The following KCNJ1 variants were observed in gnomAD, a reference collection of about 807,000 sequenced individuals.
KCNJ1 encodes the protein ATP-sensitive inward rectifier potassium channel 1.
In KCNJ1, 24 loss-of-function variants were observed where a neutral mutation model predicts 21.9. That is an observed-to-expected ratio of 1.10 (90% CI 0.79 to 1.54). KCNJ1 has a LOEUF of 1.54. Ranked by LOEUF, KCNJ1 falls within the 40% of genes most tolerant of loss-of-function variation. KCNJ1 has a pLI of 0.00. For synonymous variants in KCNJ1, 152 were observed against 160.9 expected (o/e 0.94, Z 0.42); for missense variants, 457 against 455.4 (o/e 1.00, Z -0.03).
intron 1 of KCNJ1, among the ~76,000 whole-genome samples, chr11:128,855,598 G>A (rs191119440): frequency 2.1e-4 from 31 of 149,844 alleles, no homozygotes; most frequent in Non-Finnish European, 4.0e-4. Flanking sequence ...GTGTAGAGCT[G>A]GGCTTAAACG....
At chr11:128,853,983 GC>G (rs1174945415) in intron 1 of KCNJ1, among the ~76,000 whole-genome samples, 5 of 152,252 alleles carry the variant, frequency 3.3e-5, no homozygotes, top group Admixed American at 2.0e-4. Flanking sequence ...GCTCTTCCCT[GC>G]TGCTGCCCAG....
chr11:128,858,127 AG>A (rs1335302494), intron 1 of KCNJ1, among the ~76,000 whole-genome samples: 1 of 109,400 alleles, frequency 9.1e-6, no homozygotes, highest in Non-Finnish European at 1.8e-5. Context: ...CAGGATGGGG[AG>A]GGATGGTGAG....
At position 128,857,203 on chromosome 11, in the gene KCNJ1, G is replaced by A. The variant is rs146939567; in HGVS notation, c.-191-6313C>T. The stretch of plus-strand genomic sequence containing the variant: ...TTCCCATGTCTGGCTGCTCCATGTC[G>A]CTAGGGACCTAGCTCCATCACCACC... On this transcript the variant is annotated intron_variant, in intron 1 of 2. Coordinates refer to ENST00000392666, the MANE Select transcript of KCNJ1 (RefSeq NM_153766.3). Among the ~76,000 whole-genome samples the A allele has an allele frequency of 2.9e-3, 436 of 152,252 alleles. 3 individuals carry two copies. The highest frequency in any genetic ancestry group is 9.6e-3 in the African/African-American group (399 of 41,548).
rs974635542 is a variant in KCNJ1 at position 128,839,191 on chromosome 11, C to T, written c.1053G>A (p.Lys351=). The T allele has an allele frequency of 1.9e-6, 3 of 1,614,094 alleles. No homozygotes were observed. The African/African-American group carries it at 4.0e-5, about 22-fold the overall frequency. Residue 351 remains lysine (K), a synonymous_variant, in exon 3 of 3, where the codon AAG becomes AAA. Transcript: ENST00000392666. The part of the protein sequence containing the change: ...YNEKDVRARM[K]RGYDNPNFIL... ...TGAAGTTGGGGTTGTCATAGCCTCTCTTCATCCTGGCTCTAACATCTTTCT... is the reference window on the plus strand; with the variant it reads ...TGAAGTTGGGGTTGTCATAGCCTCTTTTCATCCTGGCTCTAACATCTTTCT...
intron 2 of KCNJ1, among the ~76,000 whole-genome samples, chr11:128,850,178 C>T (rs1008508767): frequency 2.0e-5 from 3 of 152,136 alleles, no homozygotes; most frequent in African/African-American, 7.2e-5. Context: ...TACTCTCCCC[C>T]ACGCCACACC....
chr11:128,865,535 G>T (rs1003561302), intron 1 of KCNJ1, among the ~76,000 whole-genome samples: 1 of 152,130 alleles, frequency 6.6e-6, no homozygotes. Flanking sequence ...AAAGACAATA[G>T]TCATCACTGG....
intron 2 of KCNJ1, among the ~76,000 whole-genome samples, chr11:128,841,766 G>A (rs1943285671): frequency 6.6e-6 from 1 of 152,166 alleles, no homozygotes; most frequent in East Asian, 1.9e-4. Context: ...AAGCGGTGAT[G>A]AGAAAACCAC....
At chr11:128,857,434 C>T (rs913155117) in intron 1 of KCNJ1, among the ~76,000 whole-genome samples, 1 of 152,200 alleles carries the variant, frequency 6.6e-6, no homozygotes, top group Admixed American at 6.6e-5. Context: ...TTGCCTTCCT[C>T]TGAATACCCA....
intron 1 of KCNJ1, among the ~76,000 whole-genome samples, chr11:128,857,120 C>T (rs917341061): frequency 1.3e-5 from 2 of 152,198 alleles, no homozygotes; most frequent in Admixed American, 6.5e-5. Flanking sequence ...CGGCGCAGCT[C>T]CTGCCCTGGG....
chr11:128,842,051 T>C (rs1053428421), intron 2 of KCNJ1, among the ~76,000 whole-genome samples: 7 of 152,232 alleles, frequency 4.6e-5, no homozygotes. Context: ...AGGGTCACAC[T>C]GTTTACCCAG....
At chr11:128,853,919 A>T (rs921313743) in intron 1 of KCNJ1, among the ~76,000 whole-genome samples, 1 of 152,208 alleles carries the variant, frequency 6.6e-6, no homozygotes, top group Admixed American at 6.5e-5. Flanking sequence ...TCACTGCTAA[A>T]CAGAACCTCT....
chr11:128,840,210 G>A lies in KCNJ1; in HGVS notation c.34C>T (p.Arg12Cys), dbSNP rs139738175. Residue 12 changes from arginine (R) to cysteine (C), a missense_variant, in exon 3 of 3, where the codon CGC (arginine) becomes TGC (cysteine). Physicochemically the swap from Arg to Cys is radical, Grantham distance 180 (BLOSUM62 -3). Transcript: ENST00000392666. ...CTTTGCCGAGAATGCCCAAAAAAGC[G>A]AGTGACGACCCATTTCCGAAGATGT... Reference protein sequence around the residue: ...FKHLRKWVVTRFFGHSRQRAR... With the variant: ...FKHLRKWVVTCFFGHSRQRAR... The A allele has an allele frequency of 4.1e-5, 66 of 1,614,108 alleles. No homozygotes were observed. The highest frequency in any genetic ancestry group is 3.0e-4 in the South Asian group (27 of 91,070).
Position 128,838,768 on chromosome 11 carries a change from C to A in KCNJ1, c.*357G>T. The A allele has an allele frequency of 4.1e-6, 1 of 241,410 alleles. No individual in the cohort carries two copies. Among genetic ancestry groups the A allele is most frequent in the Non-Finnish European group, 8.1e-6 (1 of 123,124 alleles). The allele number at this position is 241,410 out of a possible 1,614,324, so 15.0% of individuals were successfully genotyped here. A position where few individuals can be genotyped will look rare whatever the true frequency, so the allele number is the denominator to read the frequency against. On this transcript the variant is annotated 3_prime_UTR_variant, in exon 3 of 3. Transcript: ENST00000392666. ...CCCTGATCCTTTCTAAAGTTCATAA[C>A]TTCTTTAAGGAAACTTTAAAAAATA...
chr11:128,850,894 G>A lies in KCNJ1; in HGVS notation c.-191-4C>T. 1.3e-5 allele frequency: 13 copies of A among 985,120 alleles called. No individual in the cohort carries two copies. The highest frequency in any genetic ancestry group is 1.6e-5 in the Non-Finnish European group (13 of 829,660). 61.0% of individuals were successfully genotyped at this position (985,120 alleles called of 1,614,324 possible). ...GAAGGCACAGTAGAGAAGAAACCTG[G>A]TAAAATACAACACATATGGCTACTG... On this transcript the variant is annotated splice_polypyrimidine_tract_variant and splice_region_variant and intron_variant, in intron 1 of 2. Coordinates refer to ENST00000392666, the MANE Select transcript of KCNJ1 (RefSeq NM_153766.3).
chr11:128,844,864 T>A (rs1183893118), intron 2 of KCNJ1, among the ~76,000 whole-genome samples: 1 of 152,174 alleles, frequency 6.6e-6, no homozygotes, highest in Non-Finnish European at 1.5e-5. Context: ...AAAACACTTA[T>A]TGCAGTCTGC....
At chr11:128,847,751 G>C (rs150149281) in intron 2 of KCNJ1, among the ~76,000 whole-genome samples, 21 of 152,338 alleles carry the variant, frequency 1.4e-4, no homozygotes, top group African/African-American at 4.8e-4. Flanking sequence ...GGGTGTTTGT[G>C]AGGTCTTACC....
At chr11:128,853,615 C>T (rs1350022282) in intron 1 of KCNJ1, among the ~76,000 whole-genome samples, 1 of 152,144 alleles carries the variant, frequency 6.6e-6, no homozygotes, top group Non-Finnish European at 1.5e-5. Flanking sequence ...CACTGAAAAC[C>T]ACCTCTTACA....
At chr11:128,861,723 C>G (rs1565530986) in intron 1 of KCNJ1, among the ~76,000 whole-genome samples, 1 of 152,162 alleles carries the variant, frequency 6.6e-6, no homozygotes, top group Non-Finnish European at 1.5e-5. Context: ...TAAGCGGCCA[C>G]CGGAACCCCT....
rs1163275571 is a variant in KCNJ1, at chr11:128,839,123, T to A, written c.*2A>T. On this transcript the variant is annotated 3_prime_UTR_variant, in exon 3 of 3. Transcript: ENST00000392666. ...TGCTTTACTCCCGTTGAAAAGCCACTGTTACATTTTGGTGTCATCTGTTTC... is the reference window on the plus strand; with the variant it reads ...TGCTTTACTCCCGTTGAAAAGCCACAGTTACATTTTGGTGTCATCTGTTTC... 2.5e-6 allele frequency: 4 copies of A among 1,613,044 alleles called. No homozygotes were observed. The African/African-American group carries it at 5.3e-5, about 22-fold the overall frequency.
Sources: allele counts gnomAD v4.1 joint callset (sites outside exome capture counted in the v4.1 genomes callset), GRCh38; gene constraint gnomAD v4.1.1; transcripts MANE v1.5; gene names NCBI Gene and HGNC (gene_info 2026-07-23, HGNC 2026-07-21).